The following HNRNPDL variants were observed in gnomAD, a reference collection of about 807,000 sequenced individuals.
HNRNPDL encodes heterogeneous nuclear ribonucleoprotein D like, also known as heterogeneous nuclear ribonucleoprotein D-like.
Under a neutral mutation model 48.0 loss-of-function variants are expected in HNRNPDL, and 18 were observed. That is an observed-to-expected ratio of 0.38 (90% CI 0.26 to 0.56). The LOEUF (loss-of-function observed/expected upper bound fraction) is 0.56, where lower values mean the gene tolerates loss of function less well. Ranked by LOEUF, HNRNPDL falls within the 20% of genes least tolerant of loss-of-function variation. The pLI is 0.77. For missense variants in HNRNPDL, 553 were observed against 540.7 expected (o/e 1.02, Z -0.23); for synonymous variants, 306 against 207.3 (o/e 1.48, Z -4.09).
At chr4:82,426,358 G>C (rs547340881) in intron 6 of HNRNPDL, 105 bp downstream of exon 6, 9 of 1,072,068 alleles carry the variant, frequency 8.4e-6, no homozygotes, top group Non-Finnish European at 1.2e-5. Context: ...ACTTAACTCC[G>C]AACACTTTAA....
At position 82,429,890 on chromosome 4, in the gene HNRNPDL, C is replaced by T. The variant is rs1721644844; in HGVS notation, c.-200G>A. 2 of 397,114 alleles carry T rather than the reference C, an allele frequency of 5.0e-6. No homozygotes were observed. The highest frequency in any genetic ancestry group is 8.8e-6 in the Non-Finnish European group (2 of 226,972). The allele number at this position is 397,114 out of a possible 1,614,324, so 24.6% of individuals were successfully genotyped here. A position where few individuals can be genotyped will look rare whatever the true frequency, so the allele number is the denominator to read the frequency against. On this transcript the variant is annotated 5_prime_UTR_variant, in exon 1 of 8. Transcript: ENST00000295470. ...GGTCCAGCCCACTCCTACCAAAAAGCCGTCAACCCCGCCTTTTTCTGCCCT... is the reference window on the plus strand; with the variant it reads ...GGTCCAGCCCACTCCTACCAAAAAGTCGTCAACCCCGCCTTTTTCTGCCCT...
rs1721657379 is a variant in HNRNPDL at position 82,430,050 on chromosome 4, G to A, written c.-360C>T. 3 of 165,874 alleles carry A rather than the reference G, an allele frequency of 1.8e-5. No homozygotes were observed. The highest frequency in any genetic ancestry group is 2.6e-5 in the Non-Finnish European group (2 of 77,380). 10.3% of individuals were successfully genotyped at this position (165,874 alleles called of 1,614,324 possible). A position where few individuals can be genotyped will look rare whatever the true frequency, so the allele number is the denominator to read the frequency against. On this transcript the variant is annotated 5_prime_UTR_variant, in exon 1 of 8. Coordinates refer to ENST00000295470, the MANE Select transcript of HNRNPDL (RefSeq NM_031372.4). ...GAGCGCGCTCGCCCGCCGCGCGCAC[G>A]CGTGTTTTGTCCTCGAGCTGGCAGG...
intron 3 of HNRNPDL, 121 bp from the exon 4 acceptor site, chr4:82,427,685 C>A (rs1721474800): frequency 2.4e-6 from 2 of 846,966 alleles, no homozygotes; most frequent in Non-Finnish European, 3.8e-6. Context: ...GACTTCTATA[C>A]AGACATCACT....
intron 7 of HNRNPDL, chr4:82,425,085 C>T (rs533876857): frequency 1.3e-5 from 2 of 152,250 alleles, no homozygotes; most frequent in South Asian, 4.1e-4. Flanking sequence ...CAAATCTATT[C>T]AGGAAAGAAT....
Position 82,424,258 on chromosome 4 carries a change from G to C in HNRNPDL, c.*648C>G, listed in dbSNP as rs1472572970. The C allele has an allele frequency of 6.6e-6, 1 of 152,202 alleles. No homozygotes were observed. Among genetic ancestry groups the C allele is most frequent in the Non-Finnish European group, 1.5e-5 (1 of 68,040 alleles). 9.4% of individuals were successfully genotyped at this position (152,202 alleles called of 1,614,324 possible). ...TCAGCAATTCAAAAATGGCTTTCCAGAGACAGGAACAAAGTAAAAGGAGCT... is the reference window on the plus strand; with the variant it reads ...TCAGCAATTCAAAAATGGCTTTCCACAGACAGGAACAAAGTAAAAGGAGCT... On this transcript the variant is annotated 3_prime_UTR_variant, in exon 8 of 8. Coordinates refer to ENST00000295470, the MANE Select transcript of HNRNPDL (RefSeq NM_031372.4).
In HNRNPDL at chr4:82,424,743, A is replaced by C. The variant is rs1721348005; in HGVS notation, c.*163T>G. The stretch of plus-strand genomic sequence containing the variant: ...AGCAAAGGACAAAGTAAAAACAAAG[A>C]AAACTAATTGGCAGCTATATACAGT... On this transcript the variant is annotated 3_prime_UTR_variant, in exon 8 of 8. Transcript: ENST00000295470. 1 of 152,536 alleles carries C rather than the reference A, an allele frequency of 6.6e-6. No individual in the cohort carries two copies. Among genetic ancestry groups the C allele is most frequent in the Non-Finnish European group, 1.5e-5 (1 of 68,038 alleles). 9.4% of individuals were successfully genotyped at this position (152,536 alleles called of 1,614,324 possible).
Position 82,427,580 on chromosome 4 carries a change from A to G in HNRNPDL, c.775-16T>C, listed in dbSNP as rs746626559. ...TATTTTCAATCTGAAATCGAGATGC[A>G]CACTCAACGTCATCCCATAATTGTA... On this transcript the variant is annotated splice_polypyrimidine_tract_variant and intron_variant, in intron 3 of 7. Transcript: ENST00000295470. The G allele has an allele frequency of 1.5e-5, 24 of 1,605,242 alleles. No individual in the cohort carries two copies. Among genetic ancestry groups the G allele is most frequent in the Non-Finnish European group, 3.4e-6 (4 of 1,177,598 alleles).
chr4:82,426,198 T>G (rs889621089), intron 6 of HNRNPDL, 69 bp from the exon 7 acceptor site: 1 of 1,320,728 alleles, frequency 7.6e-7, no homozygotes, highest in Admixed American at 1.7e-5. Flanking sequence ...ACACAAACTA[T>G]TAAATCTACA....
Position 82,428,114 on chromosome 4 carries a change from T to C in HNRNPDL, c.678A>G (p.Leu226=). 1 of 1,614,200 alleles carries C rather than the reference T, an allele frequency of 6.2e-7. No individual in the cohort carries two copies. The highest frequency in any genetic ancestry group is 1.1e-5 in the South Asian group (1 of 91,082). Residue 226 remains leucine (L), a synonymous_variant, in exon 3 of 8, where the codon TTA becomes TTG. Transcript: ENST00000295470. ...CCTTTTTGGGAGGTTCTTTCCCTTT[T>C]AAAGCTTTGGCCCTTTTGGGATCTA... ...KLIDPKRAKA[L]KGKEPPKKVF...
In HNRNPDL at chr4:82,429,339, C is replaced by G; in HGVS notation, c.352G>C (p.Val118Leu). 1 of 1,613,856 alleles carries G rather than the reference C, an allele frequency of 6.2e-7. No homozygotes were observed. Among genetic ancestry groups the G allele is most frequent in the Admixed American group, 1.7e-5 (1 of 60,022 alleles). ...TACTCGTTCATATCCTCCATAGTGA[C>G]GGAGCTGTCGGCAGGGGGGTGCTGG... The part of the protein sequence containing the change: ...ARQHPPADSS[V>L]TMEDMNEYSN... Residue 118 changes from valine to leucine, a missense_variant, in exon 1 of 8, where the codon GTC becomes CTC. By Grantham distance (32) the Val-to-Leu change is conservative. Coordinates refer to ENST00000295470, the MANE Select transcript of HNRNPDL (RefSeq NM_031372.4).
rs1560455075 is a variant in HNRNPDL at position 82,423,154 on chromosome 4, T to G, written c.*1752A>C. ...GCAAAACATCTCAATCATCTCTAGATGTAGTGTATTTTTTCTCAGTCATAC... is the reference window on the plus strand; with the variant it reads ...GCAAAACATCTCAATCATCTCTAGAGGTAGTGTATTTTTTCTCAGTCATAC... On this transcript the variant is annotated 3_prime_UTR_variant, in exon 8 of 8. Coordinates refer to ENST00000295470, the MANE Select transcript of HNRNPDL (RefSeq NM_031372.4). 6.6e-6 allele frequency: 1 copy of G among 152,362 alleles called. No individual in the cohort carries two copies. Among genetic ancestry groups the G allele is most frequent in the East Asian group, 1.9e-4 (1 of 5,192 alleles). 9.4% of individuals were successfully genotyped at this position (152,362 alleles called of 1,614,324 possible). A position where few individuals can be genotyped will look rare whatever the true frequency, so the allele number is the denominator to read the frequency against.
Position 82,428,190 on chromosome 4 carries a change from G to A in HNRNPDL, c.613-11C>T, listed in dbSNP as rs1023220462. 4 of 1,612,670 alleles carry A rather than the reference G, an allele frequency of 2.5e-6. No individual in the cohort carries two copies. Among genetic ancestry groups the A allele is most frequent in the African/African-American group, 1.3e-5 (1 of 74,728 alleles). On this transcript the variant is annotated splice_polypyrimidine_tract_variant and intron_variant, in intron 2 of 7. Coordinates refer to ENST00000295470, the MANE Select transcript of HNRNPDL (RefSeq NM_031372.4). ...TTTCAGTTCCAAAACCTACAAGACAGATTTATTTAATCTGACAGCACCATA... is the reference window on the plus strand; with the variant it reads ...TTTCAGTTCCAAAACCTACAAGACAAATTTATTTAATCTGACAGCACCATA...
rs1239486602 is a variant in HNRNPDL, at chr4:82,424,449, T to G, written c.*457A>C. The stretch of plus-strand genomic sequence containing the variant: ...TCAGTTACAGGGAGAAGATGAAGCC[T>G]TAAGAGCATAAAATACACCTACAAA... On this transcript the variant is annotated 3_prime_UTR_variant, in exon 8 of 8. Coordinates refer to ENST00000295470, the MANE Select transcript of HNRNPDL (RefSeq NM_031372.4). 2 of 152,644 alleles carry G rather than the reference T, an allele frequency of 1.3e-5. No homozygotes were observed. The highest frequency in any genetic ancestry group is 6.5e-5 in the Admixed American group (1 of 15,272). 9.5% of individuals were successfully genotyped at this position (152,644 alleles called of 1,614,324 possible).
At chr4:82,427,646 T>A in intron 3 of HNRNPDL, 82 bp from the exon 4 acceptor site, 1 of 1,299,564 alleles carries the variant, frequency 7.7e-7, no homozygotes, top group Non-Finnish European at 1.1e-6. Flanking sequence ...TTTTCAGGCT[T>A]CAACTTAAAC....
rs1039513970 is a variant in HNRNPDL at position 82,423,296 on chromosome 4, C to A, written c.*1610G>T. The A allele has an allele frequency of 6.6e-6, 1 of 152,124 alleles. No individual in the cohort carries two copies. The highest frequency in any genetic ancestry group is 6.5e-5 in the Admixed American group (1 of 15,274). 9.4% of individuals were successfully genotyped at this position (152,124 alleles called of 1,614,324 possible). ...TCACCTAATCATAAATTTGAACTTA[C>A]AGGATTCACTACCCTAGACACCGCA... On this transcript the variant is annotated 3_prime_UTR_variant, in exon 8 of 8. Transcript: ENST00000295470.
chr4:82,429,369 C>T lies in HNRNPDL; in HGVS notation c.322G>A (p.Ala108Thr), dbSNP rs1299088784. The T allele has an allele frequency of 1.2e-6, 2 of 1,613,610 alleles. No individual in the cohort carries two copies. The highest frequency in any genetic ancestry group is 1.7e-6 in the Non-Finnish European group (2 of 1,179,838). The change falls in exon 1 of 8, where the codon GCG becomes ACG. Residue 108 changes from alanine to threonine, a missense_variant. This residue lies in a region of HNRNPDL where 327 missense variants were observed against 203.2 expected (regional missense o/e 1.61). Coordinates refer to ENST00000295470, the MANE Select transcript of HNRNPDL (RefSeq NM_031372.4). ...CTGTCGGCAGGGGGGTGCTGGCGCG[C>T]AGTCCGGGTCGCGGCAGCAGCGGCG... ...SAAAAAATRT[A>T]RQHPPADSSV... is the part of the protein sequence containing the mutation.
At chr4:82,429,153 C>A (rs1212666865) in intron 1 of HNRNPDL, 95 bp downstream of exon 1, 2 of 1,186,216 alleles carry the variant, frequency 1.7e-6, no homozygotes, top group Non-Finnish European at 2.5e-6. Flanking sequence ...GGAATCGACT[C>A]TGAGAAAGAA....
intron 5 of HNRNPDL, 27 bp from the exon 6 acceptor site, chr4:82,426,660 G>GA: frequency 1.2e-6 from 2 of 1,602,226 alleles, no homozygotes; most frequent in Non-Finnish European, 1.7e-6. Flanking sequence ...TGATTGTTAG[G>GA]AAACAACTTC....
chr4:82,428,815 A>T (rs934809476), intron 1 of HNRNPDL, among the ~76,000 whole-genome samples: 3 of 152,236 alleles, frequency 2.0e-5, no homozygotes, highest in Admixed American at 2.0e-4. Flanking sequence ...CAGAGAACTC[A>T]TCAATCATAA....
Sources: allele counts gnomAD v4.1 joint callset (sites outside exome capture counted in the v4.1 genomes callset), GRCh38; gene constraint gnomAD v4.1.1; regional missense constraint gnomAD v4.1.1; transcripts MANE v1.5; gene names NCBI Gene and HGNC (gene_info 2026-07-23, HGNC 2026-07-21).